Variants in SUPT3H observed in about 807,000 individuals in gnomAD.
SUPT3H encodes SPT3 homolog, SAGA and STAGA complex component.
A neutral mutation model predicts 44.3 loss-of-function variants in SUPT3H; 44 were observed. That is an observed-to-expected ratio of 0.99 (90% confidence interval 0.78 to 1.28). SUPT3H has a LOEUF of 1.28. Ranked by LOEUF, SUPT3H falls within the 50% of genes most tolerant of loss-of-function variation. The pLI, the probability that SUPT3H is intolerant of heterozygous loss-of-function variation, is 0.00. For missense variants in SUPT3H, 380 were observed against 387.1 expected, an observed-to-expected ratio of 0.98 and a Z score of 0.15; for synonymous variants, 124 against 125.6, an observed-to-expected ratio of 0.99 and a Z score of 0.09.
downstream of SUPT3H, among the ~76,000 whole-genome samples, chr6:44,822,798 A>G (rs1387753948): frequency 6.6e-6 from 1 of 152,218 alleles, no homozygotes; most frequent in African/African-American, 2.4e-5. Flanking sequence ...GATTTTTAAA[A>G]AAGGATTCTG....
chr6:45,252,523 G>C (rs1346742525), intron 2 of SUPT3H, among the ~76,000 whole-genome samples: 1 of 151,992 alleles, frequency 6.6e-6, no homozygotes, highest in Non-Finnish European at 1.5e-5. Context: ...AACAAGCACT[G>C]TTCTGGCGCT....
At chr6:45,367,912 T>G (rs377405316) in intron 1 of SUPT3H, among the ~76,000 whole-genome samples, 4 of 152,208 alleles carry the variant, frequency 2.6e-5, no homozygotes, top group African/African-American at 7.2e-5. Context: ...TTAGACTCTT[T>G]AAAATAATTA....
At chr6:44,932,061 A>G (rs1413736850) in intron 10 of SUPT3H, among the ~76,000 whole-genome samples, 1 of 152,150 alleles carries the variant, frequency 6.6e-6, no homozygotes, top group Non-Finnish European at 1.5e-5. Context: ...TTAAAGGGCC[A>G]TAAGATGAGC....
chr6:44,920,707 A>G (rs545400986), intron 10 of SUPT3H, among the ~76,000 whole-genome samples: 13 of 152,332 alleles, frequency 8.5e-5, no homozygotes, highest in African/African-American at 3.1e-4. Context: ...CCTAAATCAT[A>G]AAGTCTGGGT....
At chr6:45,361,967 C>G (rs916940897) in intron 2 of SUPT3H, among the ~76,000 whole-genome samples, 1 of 152,160 alleles carries the variant, frequency 6.6e-6, no homozygotes, top group Non-Finnish European at 1.5e-5. Flanking sequence ...AGGAAAATCA[C>G]TTGAGGCCGG....
intron 10 of SUPT3H, among the ~76,000 whole-genome samples, chr6:44,844,755 C>T (rs1771586977): frequency 6.6e-6 from 1 of 152,090 alleles, no homozygotes; most frequent in Non-Finnish European, 1.5e-5. Flanking sequence ...AGAGGACTGA[C>T]TATAATGAGA....
intron 6 of SUPT3H, among the ~76,000 whole-genome samples, chr6:44,976,341 C>A (rs1012043282): frequency 6.6e-6 from 1 of 151,766 alleles, no homozygotes; most frequent in Non-Finnish European, 1.5e-5. Flanking sequence ...GCAGAAATGT[C>A]TACACATTTG....
intron 10 of SUPT3H, among the ~76,000 whole-genome samples, chr6:44,914,705 T>C (rs74540422): frequency 0.056 from 8,488 of 152,320 alleles, 337 homozygotes; most frequent in Non-Finnish European, 0.082. Context: ...AGGTGGCTGT[T>C]GTCTCTTCAG....
chr6:45,281,303 C>A (rs1778015099), intron 2 of SUPT3H, among the ~76,000 whole-genome samples: 1 of 152,224 alleles, frequency 6.6e-6, no homozygotes, highest in South Asian at 2.1e-4. Context: ...CATCGCATCA[C>A]CCGCGAAGCG....
rs965340998 is a variant in SUPT3H at position 44,827,707 on chromosome 6, G to C, written c.*2109C>G. Among the ~76,000 whole-genome samples, 3 of 152,060 alleles carry C rather than the reference G, an allele frequency of 2.0e-5. No homozygotes were observed. The highest frequency in any genetic ancestry group is 7.2e-5 in the African/African-American group (3 of 41,424). On this transcript the variant is annotated 3_prime_UTR_variant, in exon 11 of 11. Transcript: ENST00000371459. ...AGTATTGTGCAAAGAGTCAGAGAAA[G>C]AACCTAAGTATAAAAAATAGAAAAG... is the stretch of plus-strand genomic sequence containing the variant.
intron 2 of SUPT3H, among the ~76,000 whole-genome samples, chr6:45,122,854 A>C (rs1801868442): frequency 6.6e-6 from 1 of 152,168 alleles, no homozygotes; most frequent in South Asian, 2.1e-4. Context: ...AGACTCTTTC[A>C]TTTTGGATTG....
intron 2 of SUPT3H, among the ~76,000 whole-genome samples, chr6:45,345,219 A>G (rs1259176737): frequency 6.6e-6 from 1 of 152,162 alleles, no homozygotes; most frequent in East Asian, 1.9e-4. Flanking sequence ...AGTATTATAA[A>G]TAAAACTTCT....
chr6:44,834,528 C>A (rs1481096832), intron 10 of SUPT3H, among the ~76,000 whole-genome samples: 1 of 152,146 alleles, frequency 6.6e-6, no homozygotes, highest in African/African-American at 2.4e-5. Context: ...CCTGCTAAAC[C>A]AAGCTGAACA....
At chr6:44,826,523 A>C (rs1767767350), downstream of SUPT3H, among the ~76,000 whole-genome samples, 1 of 152,228 alleles carries the variant, frequency 6.6e-6, no homozygotes, top group Non-Finnish European at 1.5e-5. Context: ...TGAGATGTAT[A>C]CATGGTTGAT....
intron 2 of SUPT3H, among the ~76,000 whole-genome samples, chr6:45,226,903 G>C (rs1429071575): frequency 6.6e-6 from 1 of 152,042 alleles, no homozygotes; most frequent in East Asian, 1.9e-4. Context: ...GGGAGGCTGA[G>C]GTGGGGGAAT....
At chr6:44,976,509 C>A (rs571032542) in intron 6 of SUPT3H, among the ~76,000 whole-genome samples, 1 of 152,098 alleles carries the variant, frequency 6.6e-6, no homozygotes, top group South Asian at 2.1e-4. Context: ...ATACAGGTGA[C>A]CACAACCATG....
intron 2 of SUPT3H, among the ~76,000 whole-genome samples, chr6:45,295,744 CAT>C (rs1448130877): frequency 2.6e-5 from 4 of 151,938 alleles, no homozygotes; most frequent in African/African-American, 7.3e-5. Flanking sequence ...GGCCAACAAA[CAT>C]ATGAAAAAAT....
intron 2 of SUPT3H, among the ~76,000 whole-genome samples, chr6:45,179,762 C>T (rs1248579620): frequency 6.6e-6 from 1 of 152,192 alleles, no homozygotes; most frequent in Non-Finnish European, 1.5e-5. Flanking sequence ...CAGCCAATAT[C>T]ATTCTGAATG....
chr6:44,879,246 G>T (rs1382274472), intron 10 of SUPT3H, among the ~76,000 whole-genome samples: 3 of 152,150 alleles, frequency 2.0e-5, no homozygotes, highest in Admixed American at 1.3e-4. Flanking sequence ...GGTGGGAGGG[G>T]CGTCCACCAT....
Sources: allele counts gnomAD v4.1 joint callset (sites outside exome capture counted in the v4.1 genomes callset), GRCh38; gene constraint gnomAD v4.1.1; transcripts MANE v1.5; gene names NCBI Gene and HGNC (gene_info 2026-07-23, HGNC 2026-07-21).